MACF1: variants seen among roughly 807,000 people sequenced by gnomAD.
MACF1 encodes microtubule-actin cross-linking factor 1.
A neutral mutation model predicts 854.8 loss-of-function variants in MACF1; 193 were observed. The observed-to-expected ratio is 0.23, with a 90% CI of 0.20 to 0.25. The LOEUF is 0.25. Ranked by LOEUF, MACF1 falls within the 10% of genes least tolerant of loss-of-function variation. MACF1 has a pLI of 1.00. For synonymous variants in MACF1, 3,185 were observed against 3,226.7 expected (o/e 0.99, Z 0.44); for missense variants, 7,722 against 8,929.1 (o/e 0.86, Z 5.45).
intron 55 of MACF1, 105 bp from the exon 56 acceptor site, chr1:39,381,848 A>G: frequency 1.2e-6 from 1 of 803,092 alleles, no homozygotes; most frequent in South Asian, 1.4e-5. Context: ...ATAAATAAAT[A>G]ACGCTTCTGG....
Position 39,459,023 on chromosome 1 carries a change from TA to T in MACF1, c.21197-62del, listed in dbSNP as rs1280243980. On this transcript the variant is annotated intron_variant, in intron 90 of 100. Transcript: ENST00000564288. ...TATAAAGATCTTCTAGGTTTATACA[TA>T]CAGCTATTTCTCTTTGTATACTAAC... The T allele has an allele frequency of 7.4e-6, 10 of 1,352,298 alleles. No individual in the cohort carries two copies. The African/African-American group carries it at 1.3e-4, about 18-fold the overall frequency. The allele number at this position is 1,352,298 out of a possible 1,614,324, so 83.8% of individuals were successfully genotyped here.
chr1:39,350,580 C>T (rs987197054), intron 42 of MACF1, among the ~76,000 whole-genome samples: 1 of 152,134 alleles, frequency 6.6e-6, no homozygotes, highest in African/African-American at 2.4e-5. Flanking sequence ...TTATGGACAA[C>T]CTCCTTTTTT....
At position 39,233,935 on chromosome 1, in the gene MACF1, G is replaced by GGCCT. The variant is rs1323646088; in HGVS notation, c.171+2693_171+2696dup. ...GGTTTTCCTAGGCAGAGGACCCTGC[G>GGCCT]GCCTTCCGCAGTGTTTGTGTCCCTG... On this transcript the variant is annotated intron_variant, in intron 2 of 100. Transcript: ENST00000564288. Among the ~76,000 whole-genome samples, 3 of 144,930 alleles carry GGCCT rather than the reference G, an allele frequency of 2.1e-5. No homozygotes were observed. The East Asian group carries it at 6.0e-4, about 29-fold the overall frequency.
chr1:39,353,281 T>C, intron 44 of MACF1, 50 bp downstream of exon 44: 1 of 1,406,420 alleles, frequency 7.1e-7, no homozygotes, highest in Non-Finnish European at 9.7e-7. Flanking sequence ...TCTCCTGCCC[T>C]GAGCAAGTAA....
chr1:39,408,629 G>A (rs1030079532), intron 58 of MACF1, among the ~76,000 whole-genome samples: 3 of 152,118 alleles, frequency 2.0e-5, no homozygotes, highest in Non-Finnish European at 4.4e-5. Flanking sequence ...CGGGCCGGTT[G>A]GAGCGAGACA....
chr1:39,157,715 T>C (rs766012862), intron 2 of MACF1, among the ~76,000 whole-genome samples: 3 of 152,194 alleles, frequency 2.0e-5, no homozygotes, highest in Non-Finnish European at 2.9e-5. Context: ...TATTTACTTT[T>C]TCTTTTTTTG....
chr1:39,360,672 A>G, intron 47 of MACF1, 121 bp from the exon 48 acceptor site: 1 of 206,260 alleles, frequency 4.8e-6, no homozygotes, highest in Non-Finnish European at 8.0e-6. Flanking sequence ...CCACATCCAT[A>G]TAATAATAAT....
chr1:39,099,421 T>A (rs561198225), intron 2 of MACF1, among the ~76,000 whole-genome samples: 22 of 152,298 alleles, frequency 1.4e-4, no homozygotes, highest in African/African-American at 4.8e-4. Context: ...CCTCCCAAAG[T>A]GCTGGGATTA....
intron 2 of MACF1, among the ~76,000 whole-genome samples, chr1:39,182,150 TA>T (rs35203410): frequency 0.086 from 10,493 of 122,206 alleles, 967 homozygotes; most frequent in African/African-American, 0.25. Flanking sequence ...GACTCCACCT[TA>T]AAAAAAAAAA....
At chr1:39,341,506 G>A (rs1463765781) in intron 40 of MACF1, among the ~76,000 whole-genome samples, 1 of 148,730 alleles carries the variant, frequency 6.7e-6, no homozygotes, top group African/African-American at 2.5e-5. Flanking sequence ...CACCAGCCTG[G>A]CCAACATGGT....
chr1:39,468,579 A>C (rs765061791), intron 95 of MACF1, 36 bp from the exon 96 acceptor site: 2 of 1,511,164 alleles, frequency 1.3e-6, no homozygotes, highest in Admixed American at 3.3e-5. Context: ...CTGCTTTAAG[A>C]CATATATATT....
chr1:39,145,476 A>C (rs1643442703), intron 2 of MACF1, among the ~76,000 whole-genome samples: 1 of 152,102 alleles, frequency 6.6e-6, no homozygotes, highest in African/African-American at 2.4e-5. Flanking sequence ...CCTAAGATAA[A>C]AATTCCTTTA....
At chr1:39,381,380 G>T (rs866513644) in intron 55 of MACF1, among the ~76,000 whole-genome samples, 10 of 131,694 alleles carry the variant, frequency 7.6e-5, no homozygotes, top group South Asian at 2.4e-4. Flanking sequence ...TTTTTTTTTG[G>T]GGGGGGGGAC....
intron 80 of MACF1, among the ~76,000 whole-genome samples, chr1:39,445,571 T>A (rs1267905255): frequency 6.6e-6 from 1 of 152,208 alleles, no homozygotes; most frequent in Non-Finnish European, 1.5e-5. Flanking sequence ...CACATGAACA[T>A]CTTGAGAGAA....
At chr1:39,162,926 A>C (rs970566473) in intron 2 of MACF1, among the ~76,000 whole-genome samples, 3 of 152,212 alleles carry the variant, frequency 2.0e-5, no homozygotes, top group Admixed American at 6.5e-5. Context: ...AAACTCATAT[A>C]TTTAAATGTC....
intron 2 of MACF1, among the ~76,000 whole-genome samples, chr1:39,113,749 T>A (rs1642471705): frequency 6.6e-6 from 1 of 152,028 alleles, no homozygotes; most frequent in Non-Finnish European, 1.5e-5. Flanking sequence ...AAAGATCCCA[T>A]CCTTGGCCAG....
Position 39,460,648 on chromosome 1 carries a change from A to G in MACF1, c.21377A>G (p.Asn7126Ser), listed in dbSNP as rs897624882. The change falls in exon 92 of 101, where the codon AAC becomes AGC. Residue 7126 changes from asparagine (N) to serine (S), a missense_variant. By Grantham distance (46) the Asn-to-Ser change is conservative (BLOSUM62 1). Coordinates refer to ENST00000564288, the MANE Select transcript of MACF1 (RefSeq NM_001394062.1). The surrounding 1 kb of genome is among the most constrained non-coding windows in gnomAD (Gnocchi z 4.1). ...DRLEELKEFA[N>S]FDFDVWRKKY... is the part of the protein sequence containing the mutation. ...TCTGTGTAGTTGAAAGAATTTGCCAACTTTGACTTTGATGTCTGGAGGAAA... is the reference window on the plus strand; with the variant it reads ...TCTGTGTAGTTGAAAGAATTTGCCAGCTTTGACTTTGATGTCTGGAGGAAA... 8.7e-6 allele frequency: 14 copies of G among 1,614,060 alleles called. No homozygotes were observed. The highest frequency in any genetic ancestry group is 1.3e-5 in the African/African-American group (1 of 74,928).
At position 39,231,162 on chromosome 1, in the gene MACF1, T is replaced by C. The variant is rs1380501310; in HGVS notation, c.110-20T>C. ...CCTGGGTAGCACTAAGCCAGTGCCT[T>C]CTCTGTGTTTCCTTTACAGATGAAC... is the stretch of plus-strand genomic sequence containing the variant. On this transcript the variant is annotated intron_variant, in intron 1 of 100. Coordinates refer to ENST00000564288, the MANE Select transcript of MACF1 (RefSeq NM_001394062.1). The C allele has an allele frequency of 6.2e-7, 1 of 1,612,586 alleles. No homozygotes were observed. The highest frequency in any genetic ancestry group is 1.3e-5 in the African/African-American group (1 of 74,892).
intron 36 of MACF1, 158 bp from the exon 37 acceptor site, chr1:39,331,045 T>G (rs1423240449): frequency 9.4e-7 from 1 of 1,068,946 alleles, no homozygotes; most frequent in African/African-American, 1.6e-5. Context: ...ATGATTTGCC[T>G]GCCTTGGGCA....
Sources: allele counts gnomAD v4.1 joint callset (sites outside exome capture counted in the v4.1 genomes callset), GRCh38; gene constraint gnomAD v4.1.1; non-coding constraint Gnocchi (gnomAD v3.1); transcripts MANE v1.5; gene names NCBI Gene and HGNC (gene_info 2026-07-23, HGNC 2026-07-21).